The following KLHL5 variants were observed in gnomAD, a reference collection of about 807,000 sequenced individuals.
The protein encoded by KLHL5 is kelch-like protein 5.
Under a neutral mutation model 77.7 loss-of-function variants are expected in KLHL5, and 48 were observed. The ratio of observed to expected loss-of-function variants is 0.62; its 90% confidence interval spans 0.49 to 0.79. The LOEUF (loss-of-function observed/expected upper bound fraction) is 0.79, where lower values mean the gene tolerates loss of function less well. KLHL5 is among the 30% of genes least tolerant of loss of function. The pLI is 0.00. For missense variants in KLHL5, 723 were observed against 859.7 expected, an observed-to-expected ratio of 0.84 and a Z score of 1.99; for synonymous variants, 260 against 297.0, an observed-to-expected ratio of 0.88 and a Z score of 1.28.
chr4:39,102,718 C>G (rs372744078), intron 6 of KLHL5, among the ~76,000 whole-genome samples: 13 of 152,262 alleles, frequency 8.5e-5, no homozygotes, highest in African/African-American at 2.9e-4. Flanking sequence ...CAAAGCAAAA[C>G]AAAACAAAAC....
chr4:39,093,879 C>T (rs2109452776), intron 5 of KLHL5, among the ~76,000 whole-genome samples: 1 of 151,830 alleles, frequency 6.6e-6, no homozygotes, highest in Middle Eastern at 3.4e-3. Flanking sequence ...ACACTCCAGC[C>T]TGGGTGACAC....
intron 1 of KLHL5, among the ~76,000 whole-genome samples, chr4:39,047,893 A>G (rs971549332): frequency 1.3e-5 from 2 of 152,254 alleles, no homozygotes; most frequent in African/African-American, 2.4e-5. Flanking sequence ...ATTTGAAGCC[A>G]GAAAGTCTGG....
At chr4:39,072,805 G>A (rs1047237680) in intron 1 of KLHL5, among the ~76,000 whole-genome samples, 3 of 152,166 alleles carry the variant, frequency 2.0e-5, no homozygotes, top group Non-Finnish European at 4.4e-5. Flanking sequence ...CTGAGGATGG[G>A]GAGTGCCAAA....
chr4:39,045,391 C>T (rs998077271), intron 1 of KLHL5, among the ~76,000 whole-genome samples: 2 of 151,820 alleles, frequency 1.3e-5, no homozygotes, highest in African/African-American at 4.8e-5. Flanking sequence ...GTTGTGGACG[C>T]GGTGCTGGTG....
At chr4:39,093,881 G>T (rs372678297) in intron 5 of KLHL5, among the ~76,000 whole-genome samples, 11 of 152,042 alleles carry the variant, frequency 7.2e-5, no homozygotes, top group African/African-American at 2.4e-4. Context: ...ACTCCAGCCT[G>T]GGTGACACAG....
chr4:39,087,053 G>C (rs1032744036), intron 5 of KLHL5, among the ~76,000 whole-genome samples: 1 of 151,948 alleles, frequency 6.6e-6, no homozygotes, highest in East Asian at 1.9e-4. Context: ...TGGGACTACA[G>C]GTGCATGCCA....
chr4:39,078,249 G>A (rs891443259), intron 2 of KLHL5, among the ~76,000 whole-genome samples: 4 of 152,080 alleles, frequency 2.6e-5, no homozygotes, highest in African/African-American at 9.7e-5. Context: ...AGCCCGGTGT[G>A]GTGGCAGGTA....
chr4:39,068,621 TG>T (rs1357695491), intron 1 of KLHL5, among the ~76,000 whole-genome samples: 1 of 152,192 alleles, frequency 6.6e-6, no homozygotes, highest in African/African-American at 2.4e-5. Context: ...CCAGAACTGC[TG>T]GGAAGGCTGA....
chr4:39,070,426 T>G (rs2109324966), intron 1 of KLHL5, among the ~76,000 whole-genome samples: 1 of 152,330 alleles, frequency 6.6e-6, no homozygotes, highest in East Asian at 1.9e-4. Flanking sequence ...AGTATTCTAT[T>G]TTTTTGAATG....
At chr4:39,117,270 G>A (rs944826418) in intron 10 of KLHL5, among the ~76,000 whole-genome samples, 2 of 152,032 alleles carry the variant, frequency 1.3e-5, no homozygotes, top group Non-Finnish European at 1.5e-5. Flanking sequence ...CTGCACTCCA[G>A]CCTGGACAAC....
rs1007943860 is a variant in KLHL5 at position 39,125,606 on chromosome 4, G to A, written c.*4540G>A. 3.9e-5 allele frequency among the ~76,000 whole-genome samples: 6 copies of A among 152,152 alleles called. No homozygotes were observed. The highest frequency in any genetic ancestry group is 1.9e-4 in the East Asian group (1 of 5,188). ...AAAGAAGGCAGACACAAAAGGCAACGTATTGCATGAGTGCATTTATATGAA... is the reference window on the plus strand; with the variant it reads ...AAAGAAGGCAGACACAAAAGGCAACATATTGCATGAGTGCATTTATATGAA... On this transcript the variant is annotated 3_prime_UTR_variant, in exon 11 of 11. Coordinates refer to ENST00000504108, the MANE Select transcript of KLHL5 (RefSeq NM_015990.5).
chr4:39,076,807 T>A (rs560361299), intron 2 of KLHL5, among the ~76,000 whole-genome samples: 33 of 151,646 alleles, frequency 2.2e-4, no homozygotes, highest in African/African-American at 6.3e-4. Context: ...AGGTTTTTTT[T>A]AAAAACCTTC....
intron 2 of KLHL5, among the ~76,000 whole-genome samples, chr4:39,080,371 A>T (rs1421666141): frequency 1.3e-5 from 2 of 151,830 alleles, no homozygotes; most frequent in Non-Finnish European, 2.9e-5. Context: ...TACTAAAAAT[A>T]AAAAAATTAG....
intron 8 of KLHL5, among the ~76,000 whole-genome samples, chr4:39,110,862 A>G (rs1722408720): frequency 6.6e-6 from 1 of 152,216 alleles, no homozygotes; most frequent in Non-Finnish European, 1.5e-5. Context: ...ACAACTTGAC[A>G]TAATATTTCT....
At position 39,096,914 on chromosome 4, in the gene KLHL5, A is replaced by G. The variant is rs1392556007; in HGVS notation, c.1300+36A>G. On this transcript the variant is annotated intron_variant, in intron 6 of 10. Coordinates refer to ENST00000504108, the MANE Select transcript of KLHL5 (RefSeq NM_015990.5). ...ATCTTTTATTTGGGGAGGGAGGACC[A>G]GAGAAAAAGATATTTTAATAAGTGT... 2.0e-6 allele frequency: 3 copies of G among 1,523,226 alleles called. No individual in the cohort carries two copies. The Admixed American group carries it at 5.2e-5, about 26-fold the overall frequency. The allele number at this position is 1,523,226 out of a possible 1,614,324, so 94.4% of individuals were successfully genotyped here. A position where few individuals can be genotyped will look rare whatever the true frequency, so the allele number is the denominator to read the frequency against.
chr4:39,073,804 C>A lies in KLHL5; in HGVS notation c.384-2161C>A, dbSNP rs1033406977. Among the ~76,000 whole-genome samples, 8 of 148,018 alleles carry A rather than the reference C, an allele frequency of 5.4e-5. 1 individual carries two copies. In the South Asian group the frequency reaches 1.3e-3, roughly 24 times the overall value. On this transcript the variant is annotated intron_variant, in intron 1 of 10. Transcript: ENST00000504108. ...GGACTACAGGCGTGTGCCACCACGC[C>A]CAGCTAATTTTTTTTTTATTTTTAT...
At chr4:39,106,479 C>T (rs566693392) in intron 7 of KLHL5, among the ~76,000 whole-genome samples, 15 of 152,166 alleles carry the variant, frequency 9.9e-5, no homozygotes, top group South Asian at 6.2e-4. Flanking sequence ...ATTGAGTGCC[C>T]GGTACTTAGT....
chr4:39,056,950 C>T (rs1255802731), intron 1 of KLHL5, among the ~76,000 whole-genome samples: 1 of 152,168 alleles, frequency 6.6e-6, no homozygotes, highest in East Asian at 1.9e-4. Context: ...TTGAGCTGTG[C>T]CTCTCACATG....
chr4:39,099,033 T>C (rs952826148), intron 6 of KLHL5, among the ~76,000 whole-genome samples: 3 of 152,020 alleles, frequency 2.0e-5, no homozygotes, highest in African/African-American at 7.2e-5. Context: ...CTGTAATCCC[T>C]GCACTTTGGG....
Sources: gnomAD v4.1 joint callset for allele counts (sites outside exome capture counted in the v4.1 genomes callset) on GRCh38, gnomAD v4.1.1 for gene constraint, MANE v1.5 for transcripts, NCBI Gene and HGNC (gene_info 2026-07-23, HGNC 2026-07-21) for gene names.